LCOR: variants seen among roughly 807,000 people sequenced by gnomAD.
LCOR encodes ligand-dependent corepressor.
A neutral mutation model predicts 64.4 loss-of-function variants in LCOR; 14 were observed. The observed-to-expected ratio is 0.22, with a 90% CI of 0.14 to 0.34. The LOEUF is 0.34. Among genes scored for constraint, LCOR ranks in the 10% least tolerant of loss-of-function variants. LCOR has a pLI of 1.00. For synonymous variants in LCOR, 643 were observed against 642.5 expected (o/e 1.00, Z -0.01); for missense variants, 1,686 against 1,765.3 (o/e 0.96, Z 0.80).
chr10:96,843,873 CTGTTT>C (rs1271351269), intron 2 of LCOR, among the ~76,000 whole-genome samples: 1 of 152,042 alleles, frequency 6.6e-6, no homozygotes, highest in Non-Finnish European at 1.5e-5. Context: ...GTTTTTGCTT[CTGTTT>C]TGTTTACTTG....
At chr10:96,922,957 G>C (rs142330193) in intron 4 of LCOR, among the ~76,000 whole-genome samples, 5 of 152,282 alleles carry the variant, frequency 3.3e-5, no homozygotes, top group African/African-American at 1.2e-4. Flanking sequence ...TTGATAGTCT[G>C]CTTAACAGTC....
At chr10:96,920,654 G>A (rs575203535) in intron 4 of LCOR, among the ~76,000 whole-genome samples, 31 of 128,252 alleles carry the variant, frequency 2.4e-4, no homozygotes, top group African/African-American at 9.9e-4. Context: ...GTATATATGT[G>A]TATATATGTA....
intron 2 of LCOR, among the ~76,000 whole-genome samples, chr10:96,848,640 A>G (rs888971914): frequency 1.3e-5 from 2 of 152,182 alleles, no homozygotes; most frequent in South Asian, 4.1e-4. Flanking sequence ...TCTGGGCAAC[A>G]AGAGTGAAAC....
At chr10:96,978,218 T>C (rs1225076303) in intron 7 of LCOR, among the ~76,000 whole-genome samples, 1 of 152,212 alleles carries the variant, frequency 6.6e-6, no homozygotes, top group Non-Finnish European at 1.5e-5. Context: ...AGCTCCTTTG[T>C]ACATCTCATT....
In LCOR at chr10:96,984,801, C is replaced by A. The variant is rs1360660239; in HGVS notation, c.4341C>A (p.Pro1447=). 5 of 1,613,940 alleles carry A rather than the reference C, an allele frequency of 3.1e-6. No individual in the cohort carries two copies. The highest frequency in any genetic ancestry group is 3.3e-5 in the Admixed American group (2 of 60,004). ...CAAGGGACAGAAGCAGCCAACCCCC[C>A]AAAAAGACGTCTTTGAAAGAGAATA... The part of the protein sequence containing the change: ...PAARDRSSQP[P]KKTSLKENKV... Residue 1447 remains proline (P), a synonymous_variant, in exon 8 of 8, where the codon CCC becomes CCA. Transcript: ENST00000421806.
chr10:96,850,884 CTG>C (rs1264087234), intron 2 of LCOR, among the ~76,000 whole-genome samples: 1 of 152,218 alleles, frequency 6.6e-6, no homozygotes, highest in Non-Finnish European at 1.5e-5. Flanking sequence ...TGAAACATCA[CTG>C]TTCTGGCATT....
chr10:96,924,659 T>G (rs2134479478), intron 4 of LCOR, among the ~76,000 whole-genome samples: 2 of 152,286 alleles, frequency 1.3e-5, no homozygotes, highest in South Asian at 4.2e-4. Context: ...TTGCCATATT[T>G]GCCTTATTAT....
chr10:96,963,653 T>TG (rs1318459376), intron 7 of LCOR: 1 of 152,232 alleles, frequency 6.6e-6, no homozygotes, highest in East Asian at 1.9e-4. Context: ...TTTGTAGCCT[T>TG]GAAGTTCTCA....
rs142888240 is a variant in LCOR, at chr10:96,912,531, A to G, written c.-184+4784A>G. On this transcript the variant is annotated intron_variant, in intron 4 of 7. Coordinates refer to ENST00000421806, the MANE Select transcript of LCOR (RefSeq NM_001346516.2). ...TTCTTCGTGCATCATGTCAGAAAGC[A>G]CGTGGTGATGTTTACTTTGATCACT... Among the ~76,000 whole-genome samples the G allele has an allele frequency of 2.8e-3, 428 of 152,280 alleles. 4 individuals carry two copies. Among genetic ancestry groups the G allele is most frequent in the African/African-American group, 9.9e-3 (413 of 41,552 alleles).
intron 2 of LCOR, among the ~76,000 whole-genome samples, chr10:96,870,596 G>A (rs1160748931): frequency 2.0e-5 from 3 of 152,086 alleles, no homozygotes; most frequent in Non-Finnish European, 1.5e-5. Context: ...TGTGCTATTT[G>A]GAATTACGTC....
At chr10:96,868,745 A>C (rs1372169381) in intron 2 of LCOR, among the ~76,000 whole-genome samples, 3 of 152,142 alleles carry the variant, frequency 2.0e-5, no homozygotes, top group African/African-American at 4.8e-5. Context: ...TTAATTTTGT[A>C]TTTATAACCA....
intron 4 of LCOR, among the ~76,000 whole-genome samples, chr10:96,912,065 G>A (rs1005345001): frequency 1.3e-5 from 2 of 151,922 alleles, no homozygotes; most frequent in Non-Finnish European, 2.9e-5. Flanking sequence ...CCGAGTAGCT[G>A]TTATTACAGA....
At chr10:96,916,603 A>C (rs749421537) in intron 4 of LCOR, among the ~76,000 whole-genome samples, 32 of 149,090 alleles carry the variant, frequency 2.1e-4, no homozygotes, top group African/African-American at 2.2e-4. Context: ...ATATATATAT[A>C]TATCTATATA....
intron 6 of LCOR, among the ~76,000 whole-genome samples, chr10:96,951,017 G>A (rs775633039): frequency 1.1e-4 from 16 of 151,890 alleles, no homozygotes; most frequent in Non-Finnish European, 1.9e-4. Context: ...AAACTCTGTT[G>A]CCTGTTTATT....
rs761805096 is a variant in LCOR, at chr10:96,987,776, A to T, written c.*2642A>T. The T allele has an allele frequency of 3.3e-5, 5 of 152,216 alleles. No homozygotes were observed. The highest frequency in any genetic ancestry group is 7.3e-5 in the Non-Finnish European group (5 of 68,040). The allele number at this position is 152,216 out of a possible 1,614,324, so 9.4% of individuals were successfully genotyped here. A position where few individuals can be genotyped will look rare whatever the true frequency, so the allele number is the denominator to read the frequency against. ...GGCTAATCCTGCAAGGCCCTTTGAT[A>T]CCTACAGCAGGTACTGGCAAAGCAG... On this transcript the variant is annotated 3_prime_UTR_variant, in exon 8 of 8. Transcript: ENST00000421806.
intron 2 of LCOR, among the ~76,000 whole-genome samples, chr10:96,871,579 A>ATT (rs796092511): frequency 1.5e-3 from 211 of 140,160 alleles, no homozygotes; most frequent in African/African-American, 4.5e-3. Context: ...CGCCTGGCTA[A>ATT]TTTTTTTTTT....
chr10:96,889,382 T>C (rs1024728662), intron 2 of LCOR, among the ~76,000 whole-genome samples: 1 of 152,178 alleles, frequency 6.6e-6, no homozygotes, highest in Non-Finnish European at 1.5e-5. Flanking sequence ...CAGATACTTA[T>C]TTCTTATAGT....
rs548837564 is a variant in LCOR, at chr10:96,969,976, A to G, written c.333-10817A>G. Among the ~76,000 whole-genome samples, 45 of 92,516 alleles carry G rather than the reference A, an allele frequency of 4.9e-4. No individual in the cohort carries two copies. The East Asian group carries it at 0.013, about 27-fold the overall frequency. The allele number at this position is 92,516 out of a possible 152,430, so 60.7% of individuals were successfully genotyped here. The stretch of plus-strand genomic sequence containing the variant: ...TTTTTTTTTTTTTTTTTTTTTTAGT[A>G]GAGATGGGGTTTCACCATGTTGGCC... On this transcript the variant is annotated intron_variant, in intron 7 of 7. Transcript: ENST00000421806.
intron 7 of LCOR, among the ~76,000 whole-genome samples, chr10:96,976,700 A>G (rs1848043199): frequency 6.6e-6 from 1 of 152,212 alleles, no homozygotes; most frequent in African/African-American, 2.4e-5. Flanking sequence ...ATTATTACTC[A>G]TTTATTCTGT....
Sources: gnomAD v4.1 joint callset for allele counts (sites outside exome capture counted in the v4.1 genomes callset) on GRCh38, gnomAD v4.1.1 for gene constraint, MANE v1.5 for transcripts, NCBI Gene and HGNC (gene_info 2026-07-23, HGNC 2026-07-21) for gene names.